Variants in NAV2 observed in about 807,000 individuals in gnomAD.
NAV2 encodes the protein helicase, APC down-regulated 1.
Under a neutral mutation model 223.2 loss-of-function variants are expected in NAV2, and 54 were observed. The ratio of observed to expected loss-of-function variants is 0.24; its 90% CI spans 0.19 to 0.30. The LOEUF (loss-of-function observed/expected upper bound fraction) is 0.30, where lower values mean the gene tolerates loss of function less well. Among genes scored for constraint, NAV2 ranks in the 10% least tolerant of loss-of-function variants. The pLI is 1.00. For missense variants in NAV2, 2,806 were observed against 3,147.5 expected (o/e 0.89, Z 2.60); for synonymous variants, 1,279 against 1,239.3 (o/e 1.03, Z -0.67).
chr11:19,469,265 A>AGG (rs2041883968), intron 1 of NAV2, among the ~76,000 whole-genome samples: 2 of 152,194 alleles, frequency 1.3e-5, no homozygotes, highest in Non-Finnish European at 2.9e-5. Flanking sequence ...GAATGAGCTG[A>AGG]GTCAGAGCCC....
chr11:19,984,076 G>A (rs761408141), intron 10 of NAV2, 49 bp from the exon 11 acceptor site: 34 of 1,612,390 alleles, frequency 2.1e-5, no homozygotes, highest in Admixed American at 3.3e-5. Context: ...AAGCCTGGAA[G>A]CCACTTGCTT....
At chr11:20,022,961 A>G (rs1715544004) in intron 11 of NAV2, 1 of 1,373,814 alleles carries the variant, frequency 7.3e-7, no homozygotes, top group East Asian at 2.5e-5. Flanking sequence ...GATCCCTGCT[A>G]GCTAGTCCTT....
At chr11:19,786,695 G>C (rs190327063) in intron 1 of NAV2, among the ~76,000 whole-genome samples, 118 of 152,308 alleles carry the variant, frequency 7.7e-4, no homozygotes, top group African/African-American at 2.7e-3. Context: ...GGGAATCCAA[G>C]TGGGAACCTG....
At chr11:19,984,327 G>GGA in intron 11 of NAV2, 80 bp downstream of exon 11, 3 of 1,597,952 alleles carry the variant, frequency 1.9e-6, no homozygotes, top group Non-Finnish European at 2.6e-6. Context: ...TATGATATTG[G>GGA]GAGAGTGAAT....
chr11:19,958,267 TAA>T (rs2048054449), intron 10 of NAV2, among the ~76,000 whole-genome samples: 1 of 152,350 alleles, frequency 6.6e-6, no homozygotes, highest in South Asian at 2.1e-4. Flanking sequence ...AAATCCCGTG[TAA>T]AAAGTGTTTA....
intron 1 of NAV2, among the ~76,000 whole-genome samples, chr11:19,804,193 C>T (rs773985157): frequency 2.6e-5 from 4 of 152,226 alleles, no homozygotes; most frequent in Non-Finnish European, 2.9e-5. Context: ...TGTTCATACT[C>T]GTTTTATAAG....
intron 1 of NAV2, among the ~76,000 whole-genome samples, chr11:19,438,345 G>A (rs1851283388): frequency 6.6e-6 from 1 of 152,242 alleles, no homozygotes; most frequent in Admixed American, 6.5e-5. Flanking sequence ...AAGACAGGGA[G>A]CAGGGGAAGC....
intron 1 of NAV2, among the ~76,000 whole-genome samples, chr11:19,405,852 G>A (rs773850103): frequency 6.6e-5 from 10 of 152,142 alleles, no homozygotes; most frequent in Non-Finnish European, 1.3e-4. Flanking sequence ...TAAAAGCACT[G>A]GGTCTCCAAA....
At chr11:19,451,800 G>C (rs1001404018) in intron 1 of NAV2, among the ~76,000 whole-genome samples, 1 of 152,240 alleles carries the variant, frequency 6.6e-6, no homozygotes, top group African/African-American at 2.4e-5. Flanking sequence ...CAAAGGCCCT[G>C]AGGCAGAAAG....
At chr11:19,950,868 G>C (rs1304904993) in intron 10 of NAV2, among the ~76,000 whole-genome samples, 1 of 152,160 alleles carries the variant, frequency 6.6e-6, no homozygotes, top group Non-Finnish European at 1.5e-5. Flanking sequence ...CAAAGTACGG[G>C]CAGCTGTGTA....
chr11:19,726,152 G>C (rs2051224917), intron 1 of NAV2, among the ~76,000 whole-genome samples: 1 of 152,188 alleles, frequency 6.6e-6, no homozygotes, highest in Non-Finnish European at 1.5e-5. Context: ...TCCCTTCAGT[G>C]GTTTAAAAAT....
chr11:19,642,276 G>C (rs1231584253), intron 1 of NAV2, among the ~76,000 whole-genome samples: 1 of 152,202 alleles, frequency 6.6e-6, no homozygotes, highest in East Asian at 1.9e-4. Flanking sequence ...ATAAGCTCCA[G>C]GGTGCTTCAT....
intron 6 of NAV2, among the ~76,000 whole-genome samples, chr11:19,912,967 C>G (rs1308703105): frequency 6.6e-6 from 1 of 152,156 alleles, no homozygotes; most frequent in Non-Finnish European, 1.5e-5. Flanking sequence ...AACTGATATC[C>G]TTCAGGTTTA....
intron 1 of NAV2, among the ~76,000 whole-genome samples, chr11:19,513,547 C>T (rs2134250912): frequency 6.6e-6 from 1 of 152,184 alleles, no homozygotes; most frequent in Non-Finnish European, 1.5e-5. Context: ...TGGGCCCTGT[C>T]CCCATGAAGC....
At chr11:19,624,560 T>A (rs1334550072) in intron 1 of NAV2, among the ~76,000 whole-genome samples, 2 of 151,990 alleles carry the variant, frequency 1.3e-5, no homozygotes, top group Non-Finnish European at 2.9e-5. Context: ...GAGCCAGGAG[T>A]GGGATATAAT....
chr11:20,097,661 C>T lies in NAV2; in HGVS notation c.6097C>T (p.Arg2033Cys), dbSNP rs374882958. The T allele has an allele frequency of 4.3e-5, 69 of 1,613,448 alleles. No individual in the cohort carries two copies. The highest frequency in any genetic ancestry group is 5.6e-5 in the Non-Finnish European group (66 of 1,179,840). Residue 2033 changes from arginine to cysteine, a missense_variant, in exon 31 of 38, where the codon CGC becomes TGC. Arg to Cys is a radical substitution (Grantham distance 180). Around this residue, in one of 4 missense-constraint regions of NAV2, gnomAD observed 824 missense variants for 1,069.4 expected, o/e 0.77. Coordinates refer to ENST00000349880, the MANE Select transcript of NAV2 (RefSeq NM_145117.5). ...TGGCTACAGCATTGGAGAAATCAAG[C>T]GCAGCAACACTTCCGAAACACCGGA... is the stretch of plus-strand genomic sequence containing the variant. The part of the protein sequence containing the change: ...VLGYSIGEIK[R>C]SNTSETPELL...
chr11:19,698,634 A>G (rs1375281962), intron 1 of NAV2, among the ~76,000 whole-genome samples: 1 of 152,178 alleles, frequency 6.6e-6, no homozygotes, highest in African/African-American at 2.4e-5. Context: ...TCTCTCCACA[A>G]TGGCACAGAC....
chr11:19,868,788 C>T lies in NAV2; in HGVS notation c.439-137C>T, dbSNP rs2625315. ...AACCTTTTTCCTGTGCAAGTACAGA[C>T]AAAAGAGAGTGTCCTATCTTGGCGT... On this transcript the variant is annotated intron_variant, in intron 3 of 37. Transcript: ENST00000349880. 43 of 736,010 alleles carry T rather than the reference C, an allele frequency of 5.8e-5. No homozygotes were observed. In the African/African-American group the frequency reaches 6.7e-4, roughly 11 times the overall value. The allele number at this position is 736,010 out of a possible 1,614,324, so 45.6% of individuals were successfully genotyped here.
At chr11:19,728,304 A>G (rs1324881150) in intron 1 of NAV2, among the ~76,000 whole-genome samples, 4 of 152,178 alleles carry the variant, frequency 2.6e-5, no homozygotes, top group African/African-American at 9.7e-5. Context: ...GCGCATATTC[A>G]GTGGTTCTTC....
Sources: gnomAD v4.1 joint callset for allele counts (sites outside exome capture counted in the v4.1 genomes callset) on GRCh38, gnomAD v4.1.1 for gene constraint, gnomAD v4.1.1 regional missense constraint, MANE v1.5 for transcripts, NCBI Gene and HGNC (gene_info 2026-07-23, HGNC 2026-07-21) for gene names.